Variants in CNBD1 observed in about 807,000 individuals in gnomAD.
CNBD1 encodes cyclic nucleotide-binding domain-containing protein 1.
A neutral mutation model predicts 54.4 loss-of-function variants in CNBD1; 71 were observed. The ratio of observed to expected loss-of-function variants is 1.30; its 90% CI spans 1.08 to 1.59. The LOEUF is 1.59. Among genes scored for constraint, CNBD1 ranks in the 40% most tolerant of loss-of-function variants. The pLI is 0.00. For missense variants in CNBD1, 659 were observed against 518.0 expected (o/e 1.27, Z -2.64); for synonymous variants, 182 against 170.7 (o/e 1.07, Z -0.51).
chr8:87,370,843 G>A (rs1810770714), intron 10 of CNBD1, among the ~76,000 whole-genome samples: 1 of 150,472 alleles, frequency 6.6e-6, no homozygotes, highest in Non-Finnish European at 1.5e-5. Context: ...TTTTCTTCTA[G>A]GGTTTTTATG....
At chr8:87,407,239 T>G (rs1807666877) in intron 2 of CNBD1, among the ~76,000 whole-genome samples, 1 of 152,138 alleles carries the variant, frequency 6.6e-6, no homozygotes, top group South Asian at 2.1e-4. Context: ...TTTTACTTGT[T>G]TTAAAATTAA....
intron 6 of CNBD1, among the ~76,000 whole-genome samples, chr8:87,257,904 T>C (rs919876714): frequency 6.6e-6 from 1 of 152,106 alleles, no homozygotes; most frequent in East Asian, 1.9e-4. Flanking sequence ...GTTACTTCTA[T>C]GGTGTACAAT....
chr8:87,048,715 G>T (rs1292060631), intron 4 of CNBD1, among the ~76,000 whole-genome samples: 1 of 152,148 alleles, frequency 6.6e-6, no homozygotes, highest in African/African-American at 2.4e-5. Flanking sequence ...TATACTAAAA[G>T]ATATGGAATG....
intron 2 of CNBD1, among the ~76,000 whole-genome samples, chr8:87,428,202 T>G (rs969385761): frequency 6.6e-6 from 1 of 150,766 alleles, no homozygotes; most frequent in African/African-American, 2.4e-5. Context: ...AAATATCTAG[T>G]GTTTCAGCCT....
chr8:87,251,707 ATATTTCATCACGC>A (rs1807921516), intron 6 of CNBD1, among the ~76,000 whole-genome samples: 1 of 151,862 alleles, frequency 6.6e-6, no homozygotes, highest in African/African-American at 2.4e-5. Flanking sequence ...GACCATAAAT[ATATTTCATCACGC>A]TATTTTTCTA....
At chr8:87,230,561 G>A (rs1814662354) in intron 5 of CNBD1, among the ~76,000 whole-genome samples, 1 of 152,078 alleles carries the variant, frequency 6.6e-6, no homozygotes, top group Admixed American at 6.5e-5. Context: ...AATGTACTTT[G>A]TAACTTTTGA....
chr8:87,054,560 C>A (rs1810375497), intron 4 of CNBD1, among the ~76,000 whole-genome samples: 1 of 152,152 alleles, frequency 6.6e-6, no homozygotes, highest in Non-Finnish European at 1.5e-5. Flanking sequence ...GGATTATATG[C>A]CCAGGTTGTA....
intron 4 of CNBD1, among the ~76,000 whole-genome samples, chr8:87,115,748 C>T (rs1226108385): frequency 6.6e-6 from 1 of 152,176 alleles, no homozygotes; most frequent in Non-Finnish European, 1.5e-5. Flanking sequence ...TATCTTTTCT[C>T]ATGTTTTCTG....
intron 4 of CNBD1, among the ~76,000 whole-genome samples, chr8:87,084,964 A>G (rs1222113406): frequency 6.6e-6 from 1 of 152,066 alleles, no homozygotes; most frequent in Non-Finnish European, 1.5e-5. Flanking sequence ...GTGAGCCACT[A>G]CGCCCAGCCG....
At chr8:87,228,910 C>T (rs1169586946) in intron 5 of CNBD1, among the ~76,000 whole-genome samples, 1 of 152,224 alleles carries the variant, frequency 6.6e-6, no homozygotes, top group Non-Finnish European at 1.5e-5. Flanking sequence ...GGGGTAGGAC[C>T]CTCCGAGCCA....
At chr8:86,939,836 G>T in intron 4 of CNBD1, 82 bp downstream of exon 4, 1 of 909,558 alleles carries the variant, frequency 1.1e-6, no homozygotes, top group Non-Finnish European at 1.6e-6. Flanking sequence ...TTGTTTGTGG[G>T]TAAGTGTACT....
chr8:87,401,371 T>G (rs112179577), intron 2 of CNBD1, among the ~76,000 whole-genome samples: 2,765 of 152,054 alleles, frequency 0.018, 84 homozygotes, highest in African/African-American at 0.06. Context: ...GCCCCTCCCA[T>G]ATATGGCCAC....
chr8:86,934,540 G>T (rs184231198), intron 3 of CNBD1, among the ~76,000 whole-genome samples: 1 of 152,128 alleles, frequency 6.6e-6, no homozygotes, highest in Non-Finnish European at 1.5e-5. Context: ...ATCAATTAAA[G>T]CAATATCCAT....
intron 4 of CNBD1, among the ~76,000 whole-genome samples, chr8:87,094,278 A>G (rs1244797290): frequency 6.6e-6 from 1 of 152,102 alleles, no homozygotes; most frequent in Non-Finnish European, 1.5e-5. Flanking sequence ...GGCTATTGGC[A>G]TAGCTTGGGC....
chr8:87,303,317 CTCAGAAATAATGCCGCATA>C (rs1177533932), intron 8 of CNBD1, among the ~76,000 whole-genome samples: 1 of 151,902 alleles, frequency 6.6e-6, no homozygotes, highest in Non-Finnish European at 1.5e-5. Flanking sequence ...GAACAGAGCC[CTCAGAAATAATGCCGCATA>C]TCTACAAACA....
intron 3 of CNBD1, among the ~76,000 whole-genome samples, chr8:86,912,089 A>G (rs934488982): frequency 6.6e-6 from 1 of 152,136 alleles, no homozygotes; most frequent in African/African-American, 2.4e-5. Context: ...ATTTACAAAG[A>G]AGGCTGCTTA....
intron 6 of CNBD1, 181 bp downstream of exon 6, chr8:87,237,293 G>A (rs1807604379): frequency 2.4e-6 from 1 of 414,808 alleles, no homozygotes; most frequent in Non-Finnish European, 4.2e-6. Context: ...TTTTGATAAA[G>A]GATGCCTTCA....
chr8:87,118,463 G>A (rs1196720779), intron 4 of CNBD1, among the ~76,000 whole-genome samples: 1 of 152,086 alleles, frequency 6.6e-6, no homozygotes, highest in Non-Finnish European at 1.5e-5. Flanking sequence ...AAAATTTGAA[G>A]GAGTGAACTG....
At chr8:87,172,484 T>C (rs1813109076) in intron 4 of CNBD1, among the ~76,000 whole-genome samples, 1 of 151,982 alleles carries the variant, frequency 6.6e-6, no homozygotes, top group Non-Finnish European at 1.5e-5. Flanking sequence ...TCTCCAGGTA[T>C]TGTTGTTTGA....
Sources: gnomAD v4.1 joint callset for allele counts (sites outside exome capture counted in the v4.1 genomes callset) on GRCh38, gnomAD v4.1.1 for gene constraint, MANE v1.5 for transcripts, NCBI Gene and HGNC (gene_info 2026-07-23, HGNC 2026-07-21) for gene names.